GLT8D2: variants seen among roughly 807,000 people sequenced by gnomAD.
The protein encoded by GLT8D2 is glycosyltransferase 8 domain containing 2.
GLT8D2 carries 45 observed loss-of-function variants against 44.5 expected under a neutral mutation model. The ratio of observed to expected loss-of-function variants is 1.01; its 90% CI spans 0.80 to 1.30. GLT8D2 has a LOEUF of 1.30. Ranked by LOEUF, GLT8D2 falls within the 50% of genes most tolerant of loss-of-function variation. The pLI is 0.00. For missense variants in GLT8D2, 400 were observed against 430.4 expected, an observed-to-expected ratio of 0.93 and a Z score of 0.62; for synonymous variants, 156 against 157.2, an observed-to-expected ratio of 0.99 and a Z score of 0.06.
chr12:104,016,872 AAGAAAGAAAG>A lies in GLT8D2; in HGVS notation c.20-1777_20-1768del, dbSNP rs1452939406. 3.0e-3 allele frequency among the ~76,000 whole-genome samples: 452 copies of A among 150,568 alleles called. 5 individuals carry two copies. Among genetic ancestry groups the A allele is most frequent in the African/African-American group, 0.011 (433 of 40,568 alleles). The stretch of plus-strand genomic sequence containing the variant: ...AAAGAAAGAAAGAAAGAAAGAAAGA[AAGAAAGAAAG>A]AAAAATAAAGAGAGAAAGAAAGAAA... On this transcript the variant is annotated intron_variant, in intron 3 of 10. Transcript: ENST00000360814.
At chr12:104,004,987 C>T (rs953831729) in intron 4 of GLT8D2, among the ~76,000 whole-genome samples, 4 of 152,148 alleles carry the variant, frequency 2.6e-5, no homozygotes, top group Non-Finnish European at 4.4e-5. Context: ...AACTATACTA[C>T]AAGGCTACAG....
chr12:104,017,356 C>T (rs1205213619), intron 3 of GLT8D2, among the ~76,000 whole-genome samples: 1 of 152,070 alleles, frequency 6.6e-6, no homozygotes, highest in Non-Finnish European at 1.5e-5. Flanking sequence ...GAGTTTCACT[C>T]TTGTTGTCCA....
chr12:104,025,655 T>C (rs942170628), intron 1 of GLT8D2, among the ~76,000 whole-genome samples: 1 of 152,244 alleles, frequency 6.6e-6, no homozygotes, highest in African/African-American at 2.4e-5. Flanking sequence ...TTTTTGTATA[T>C]ATCATGAAAT....
At chr12:104,064,408 G>T (rs973570768), upstream of GLT8D2, 4 of 650,556 alleles carry the variant, frequency 6.1e-6, no homozygotes, top group Admixed American at 1.3e-4. The surrounding 1 kb of genome is among the most constrained non-coding windows in gnomAD (Gnocchi z 7.3). Context: ...CTTCCCCAGC[G>T]TCTCTCCACT....
chr12:104,037,695 C>T (rs1880062254), intron 1 of GLT8D2, among the ~76,000 whole-genome samples: 1 of 152,142 alleles, frequency 6.6e-6, no homozygotes, highest in Non-Finnish European at 1.5e-5. Context: ...GATGGATTCA[C>T]AGCCAAATTC....
chr12:104,011,771 C>T (rs1197410780), intron 4 of GLT8D2, among the ~76,000 whole-genome samples: 1 of 152,084 alleles, frequency 6.6e-6, no homozygotes, highest in Non-Finnish European at 1.5e-5. Context: ...CTGTTTTCTG[C>T]AGACCTCTCA....
At chr12:104,002,302 T>A (rs536060580) in intron 5 of GLT8D2, among the ~76,000 whole-genome samples, 1 of 152,222 alleles carries the variant, frequency 6.6e-6, no homozygotes, top group Non-Finnish European at 1.5e-5. Context: ...ATTTTTTTCC[T>A]CTGTGAATTA....
At chr12:103,997,594 G>A in intron 6 of GLT8D2, 59 bp from the exon 7 acceptor site, 2 of 1,214,964 alleles carry the variant, frequency 1.6e-6, no homozygotes, top group Non-Finnish European at 2.4e-6. Context: ...AGTGTCTTCT[G>A]GGGGTACTGG....
intron 3 of GLT8D2, among the ~76,000 whole-genome samples, chr12:104,017,755 G>T (rs1877081016): frequency 6.6e-6 from 1 of 152,168 alleles, no homozygotes; most frequent in African/African-American, 2.4e-5. Flanking sequence ...AAGAGGGTGT[G>T]AATTTGAAGT....
intron 1 of GLT8D2, among the ~76,000 whole-genome samples, chr12:104,042,666 A>T (rs1456241766): frequency 6.6e-6 from 1 of 152,218 alleles, no homozygotes; most frequent in Non-Finnish European, 1.5e-5. Flanking sequence ...AAGAATGTGT[A>T]GGGTGGGGTG....
intron 8 of GLT8D2, 94 bp from the exon 9 acceptor site, chr12:103,994,595 G>T: frequency 1.7e-6 from 2 of 1,173,082 alleles, no homozygotes; most frequent in East Asian, 2.5e-5. Context: ...AGTATCTTTG[G>T]GTTTCCTCCT....
intron 1 of GLT8D2, chr12:104,029,558 G>T (rs1879002815): frequency 1.3e-5 from 2 of 152,144 alleles, no homozygotes; most frequent in South Asian, 4.2e-4. Context: ...TGGCTAAATT[G>T]GTTGAGCCAT....
chr12:103,993,054 G>T (rs564826155), intron 10 of GLT8D2, among the ~76,000 whole-genome samples: 13 of 152,090 alleles, frequency 8.5e-5, no homozygotes, highest in Non-Finnish European at 1.2e-4. Flanking sequence ...ATTTGCGGCC[G>T]GGCATGGTGG....
At chr12:104,017,790 C>T (rs144148590) in intron 3 of GLT8D2, among the ~76,000 whole-genome samples, 6 of 152,258 alleles carry the variant, frequency 3.9e-5, no homozygotes, top group Non-Finnish European at 8.8e-5. Context: ...TTTTCTACCA[C>T]CTCCTAGCTG....
intron 1 of GLT8D2, among the ~76,000 whole-genome samples, chr12:104,055,796 G>A (rs1031757502): frequency 1.3e-5 from 2 of 152,196 alleles, no homozygotes; most frequent in African/African-American, 2.4e-5. Flanking sequence ...TAAGTCTTCT[G>A]TAGTAGTACA....
upstream of GLT8D2, chr12:104,064,344 G>A: frequency 2.3e-6 from 1 of 441,864 alleles, no homozygotes; most frequent in African/African-American, 2.0e-5. The surrounding 1 kb of genome is among the most constrained non-coding windows in gnomAD (Gnocchi z 7.3). Context: ...TGCTCCGGGT[G>A]GCCGCTGGCC....
chr12:104,053,651 A>C (rs1474006230), upstream of GLT8D2, among the ~76,000 whole-genome samples: 1 of 152,170 alleles, frequency 6.6e-6, no homozygotes, highest in Non-Finnish European at 1.5e-5. Flanking sequence ...TTGGGAGGCC[A>C]AGGTGGGTGG....
chr12:104,051,121 CTT>C (rs34909090), upstream of GLT8D2, among the ~76,000 whole-genome samples: 4 of 145,568 alleles, frequency 2.7e-5, no homozygotes, highest in Admixed American at 1.4e-4. Flanking sequence ...GCCAATTTTA[CTT>C]TTTTTTTTTT....
At chr12:104,052,772 T>TTAC (rs1881833008), upstream of GLT8D2, among the ~76,000 whole-genome samples, 1 of 103,208 alleles carries the variant, frequency 9.7e-6, no homozygotes, top group Admixed American at 1.1e-4. Context: ...GTATTAATTA[T>TTAC]TATTATTATT....
Sources: allele counts gnomAD v4.1 joint callset (sites outside exome capture counted in the v4.1 genomes callset), GRCh38; gene constraint gnomAD v4.1.1; non-coding constraint Gnocchi (gnomAD v3.1); transcripts MANE v1.5; gene names NCBI Gene and HGNC (gene_info 2026-07-23, HGNC 2026-07-21).